Variants in GALNT18 observed in about 807,000 individuals in gnomAD.
GALNT18 encodes polypeptide N-acetylgalactosaminyltransferase 18.
GALNT18 carries 44 observed loss-of-function variants against 69.5 expected under a neutral mutation model. The ratio of observed to expected loss-of-function variants is 0.63; its 90% CI spans 0.50 to 0.81. GALNT18 has a LOEUF of 0.81. GALNT18 is among the 40% of genes least tolerant of loss of function. The pLI is 0.00. For missense variants in GALNT18, 715 were observed against 810.0 expected, an observed-to-expected ratio of 0.88 and a Z score of 1.42; for synonymous variants, 364 against 318.2, an observed-to-expected ratio of 1.14 and a Z score of -1.53.
At chr11:11,442,589 C>T (rs1855554243) in intron 2 of GALNT18, among the ~76,000 whole-genome samples, 2 of 152,140 alleles carry the variant, frequency 1.3e-5, no homozygotes, top group African/African-American at 4.8e-5. Flanking sequence ...AAGACCAGTG[C>T]CCCTGGCTCT....
At chr11:11,369,974 G>A (rs1057020452) in intron 6 of GALNT18, among the ~76,000 whole-genome samples, 14 of 152,198 alleles carry the variant, frequency 9.2e-5, no homozygotes, top group Admixed American at 2.0e-4. Flanking sequence ...TATCTGTCTA[G>A]TCCTTGAATC....
intron 1 of GALNT18, among the ~76,000 whole-genome samples, chr11:11,576,875 TG>T (rs1177256943): frequency 6.6e-6 from 1 of 152,250 alleles, no homozygotes; most frequent in Admixed American, 6.5e-5. Flanking sequence ...GCCAGTTTCA[TG>T]GTGTGAACGC....
Position 11,383,352 on chromosome 11 carries a change from G to A in GALNT18, c.596-4088C>T, listed in dbSNP as rs1291195630. ...ACCACTAGCAGGCTGAGCCGGAAGG[G>A]TCTGGCATGGAGGCTGTTAATCTGA... On this transcript the variant is annotated intron_variant, in intron 3 of 10. Transcript: ENST00000227756. The surrounding 1 kb of genome is among the most constrained non-coding windows in gnomAD (Gnocchi z 5.2). 6.6e-6 allele frequency among the ~76,000 whole-genome samples: 1 copy of A among 152,232 alleles called. No individual in the cohort carries two copies. Among genetic ancestry groups the A allele is most frequent in the Non-Finnish European group, 1.5e-5 (1 of 68,038 alleles).
In GALNT18 at chr11:11,574,729, C is replaced by G. The variant is rs1280159639; in HGVS notation, c.235+46630G>C. Among the ~76,000 whole-genome samples, 43 of 150,444 alleles carry G rather than the reference C, an allele frequency of 2.9e-4. 1 individual carries two copies. The highest frequency in any genetic ancestry group is 2.4e-3 in the Admixed American group (36 of 15,124). On this transcript the variant is annotated intron_variant, in intron 1 of 10. Coordinates refer to ENST00000227756, the MANE Select transcript of GALNT18 (RefSeq NM_198516.3). ...GTCAAGGGGAATCCCTTCTGCAGGACAGCTAAGAGATCCACACAAAACAGA... is the reference window on the plus strand; with the variant it reads ...GTCAAGGGGAATCCCTTCTGCAGGAGAGCTAAGAGATCCACACAAAACAGA...
At position 11,388,303 on chromosome 11, in the gene GALNT18, A is replaced by T. The variant is rs529278653; in HGVS notation, c.596-9039T>A. Among the ~76,000 whole-genome samples, 7 of 152,172 alleles carry T rather than the reference A, an allele frequency of 4.6e-5. No individual in the cohort carries two copies. The South Asian group carries it at 1.5e-3, about 32-fold the overall frequency. On this transcript the variant is annotated intron_variant, in intron 3 of 10. Transcript: ENST00000227756. Reference sequence around the variant, plus strand: ...AAAGCCAGGCTCTCAAAACCCACAAACACCTTCTTATCAGTGCCAAAATGG... The same window carrying T: ...AAAGCCAGGCTCTCAAAACCCACAATCACCTTCTTATCAGTGCCAAAATGG...
In GALNT18 at chr11:11,340,911, C is replaced by A. The variant is rs115125023; in HGVS notation, c.1186G>T (p.Ala396Ser). 1.2e-6 allele frequency: 2 copies of A among 1,614,052 alleles called. No individual in the cohort carries two copies. The highest frequency in any genetic ancestry group is 1.7e-6 in the Non-Finnish European group (2 of 1,179,956). The change falls in exon 7 of 11, where the codon GCC becomes TCC. Residue 396 changes from alanine to serine, a missense_variant. Coordinates refer to ENST00000227756, the MANE Select transcript of GALNT18 (RefSeq NM_198516.3). The surrounding 1 kb of genome is among the most constrained non-coding windows in gnomAD (Gnocchi z 4.2). ...CTGAGAGCGTTCCTGCGGACATGGG[C>A]GGTGAGGTCCTCTGTGTAGGGCTTG... ...AHKPYTEDLT[A>S]HVRRNALRVA... is the part of the protein sequence containing the mutation.
chr11:11,291,336 CATAA>C (rs1439323557), intron 10 of GALNT18, among the ~76,000 whole-genome samples: 12 of 152,170 alleles, frequency 7.9e-5, no homozygotes, highest in Admixed American at 2.0e-4. Context: ...TGAACTATTT[CATAA>C]ATAATGACCA....
In GALNT18 at chr11:11,584,631, A is replaced by G. The variant is rs1433199849; in HGVS notation, c.235+36728T>C. On this transcript the variant is annotated intron_variant, in intron 1 of 10. Coordinates refer to ENST00000227756, the MANE Select transcript of GALNT18 (RefSeq NM_198516.3). The surrounding 1 kb of genome is among the most constrained non-coding windows in gnomAD (Gnocchi z 4.1). ...AGCAAAGAAGCAAACCCAATGAGTC[A>G]CAGTGTAAATTATTCCTATTAGTCA... Among the ~76,000 whole-genome samples the G allele has an allele frequency of 1.3e-5, 2 of 152,172 alleles. No individual in the cohort carries two copies. The highest frequency in any genetic ancestry group is 2.9e-5 in the Non-Finnish European group (2 of 68,024).
intron 9 of GALNT18, among the ~76,000 whole-genome samples, chr11:11,323,543 T>A (rs1041717790): frequency 6.6e-6 from 1 of 152,198 alleles, no homozygotes; most frequent in African/African-American, 2.4e-5. Flanking sequence ...CTGTGTGGGG[T>A]GGCCCTGGCC....
chr11:11,499,605 C>T (rs779407428), intron 1 of GALNT18, among the ~76,000 whole-genome samples: 2 of 152,236 alleles, frequency 1.3e-5, no homozygotes, highest in Non-Finnish European at 2.9e-5. Flanking sequence ...CCTCTATCTG[C>T]CCACCTGTGC....
rs1462620865 is a variant in GALNT18 at position 11,595,611 on chromosome 11, TG to T, written c.235+25747del. Among the ~76,000 whole-genome samples the T allele has an allele frequency of 1.3e-5, 2 of 152,256 alleles. No homozygotes were observed. The highest frequency in any genetic ancestry group is 3.8e-4 in the East Asian group (2 of 5,200). On this transcript the variant is annotated intron_variant, in intron 1 of 10. Coordinates refer to ENST00000227756, the MANE Select transcript of GALNT18 (RefSeq NM_198516.3). This position sits in a 1 kb window ranked among gnomAD's most constrained non-coding sequence, Gnocchi z 5.2. Reference sequence around the variant, plus strand: ...GTGAAGCCATATCTCATTGTGGTTTTGATTTACATTTCCCAAATGGCTAATT... The same window carrying T: ...GTGAAGCCATATCTCATTGTGGTTTTATTTACATTTCCCAAATGGCTAATT...
chr11:11,462,450 A>G (rs935403994), intron 1 of GALNT18, among the ~76,000 whole-genome samples: 9 of 150,234 alleles, frequency 6.0e-5, no homozygotes, highest in Admixed American at 6.0e-4. Context: ...CTAATTTTTT[A>G]TTTATTTATT....
In GALNT18 at chr11:11,383,930, C is replaced by T. The variant is rs1459638973; in HGVS notation, c.596-4666G>A. Among the ~76,000 whole-genome samples, 3 of 152,108 alleles carry T rather than the reference C, an allele frequency of 2.0e-5. No homozygotes were observed. The highest frequency in any genetic ancestry group is 4.4e-5 in the Non-Finnish European group (3 of 68,032). On this transcript the variant is annotated intron_variant, in intron 3 of 10. Transcript: ENST00000227756. The surrounding 1 kb of genome is among the most constrained non-coding windows in gnomAD (Gnocchi z 5.2). ...GCCATAATTGTAAGTTTCCTGAGGC[C>T]TCCGCAGCCATGTGGAACTGTGAGT...
rs1237135225 is a variant in GALNT18, at chr11:11,621,234, C to A, written c.235+125G>T. ...AGCTCACACGCAGGCCCCACGACTA[C>A]CACGCATCTGCGGCCCCAGAGCCCC... is the stretch of plus-strand genomic sequence containing the variant. On this transcript the variant is annotated intron_variant, in intron 1 of 10. Transcript: ENST00000227756. The surrounding 1 kb of genome is among the most constrained non-coding windows in gnomAD (Gnocchi z 9.3). 5.4e-6 allele frequency: 4 copies of A among 734,858 alleles called. No individual in the cohort carries two copies. The highest frequency in any genetic ancestry group is 9.1e-6 in the Non-Finnish European group (4 of 438,994). The allele number at this position is 734,858 out of a possible 1,614,324, so 45.5% of individuals were successfully genotyped here.
chr11:11,539,189 C>T (rs1857852287), intron 1 of GALNT18, among the ~76,000 whole-genome samples: 1 of 152,232 alleles, frequency 6.6e-6, no homozygotes, highest in Non-Finnish European at 1.5e-5. Context: ...ATATCCAAGG[C>T]TCCCTCTCAA....
chr11:11,564,256 A>C lies in GALNT18; in HGVS notation c.235+57103T>G, dbSNP rs1434089637. Among the ~76,000 whole-genome samples, 1 of 152,174 alleles carries C rather than the reference A, an allele frequency of 6.6e-6. No individual in the cohort carries two copies. The highest frequency in any genetic ancestry group is 2.4e-5 in the African/African-American group (1 of 41,448). ...CTATACTGCCTTCACCTGAAGGCTC[A>C]TCTTAAGAGATATGCACCTGACTCT... On this transcript the variant is annotated intron_variant, in intron 1 of 10. Coordinates refer to ENST00000227756, the MANE Select transcript of GALNT18 (RefSeq NM_198516.3). The surrounding 1 kb of genome is among the most constrained non-coding windows in gnomAD (Gnocchi z 4.3).
intron 2 of GALNT18, among the ~76,000 whole-genome samples, chr11:11,440,727 T>C (rs1371782214): frequency 6.6e-6 from 1 of 152,266 alleles, no homozygotes; most frequent in African/African-American, 2.4e-5. Context: ...GTTAAACTCA[T>C]GAACATGTTC....
In GALNT18 at chr11:11,435,910, A is replaced by G. The variant is rs892566633; in HGVS notation, c.429-3123T>C. 2.0e-5 allele frequency among the ~76,000 whole-genome samples: 3 copies of G among 152,180 alleles called. No homozygotes were observed. Among genetic ancestry groups the G allele is most frequent in the African/African-American group, 7.2e-5 (3 of 41,458 alleles). ...AGTTTCTTTACACTGTAATCCCTTC[A>G]GGCCAAACGCCCTGACCTCCTTAAA... On this transcript the variant is annotated intron_variant, in intron 2 of 10. Transcript: ENST00000227756. This position sits in a 1 kb window ranked among gnomAD's most constrained non-coding sequence, Gnocchi z 4.4.
At chr11:11,569,889 T>C (rs1858744789) in intron 1 of GALNT18, among the ~76,000 whole-genome samples, 1 of 152,002 alleles carries the variant, frequency 6.6e-6, no homozygotes, top group African/African-American at 2.4e-5. Context: ...GGCCAGTCCA[T>C]GGAGACAGGA....
Sources: allele counts gnomAD v4.1 joint callset (sites outside exome capture counted in the v4.1 genomes callset), GRCh38; gene constraint gnomAD v4.1.1; non-coding constraint Gnocchi (gnomAD v3.1); transcripts MANE v1.5; gene names NCBI Gene and HGNC (gene_info 2026-07-23, HGNC 2026-07-21).